DAPK1: variants seen among roughly 807,000 people sequenced by gnomAD.
DAPK1 encodes death-associated protein kinase 1.
DAPK1 carries 56 observed loss-of-function variants against 144.9 expected under a neutral mutation model. The observed-to-expected ratio is 0.39, with a 90% CI of 0.31 to 0.48. The LOEUF (loss-of-function observed/expected upper bound fraction) is 0.48. DAPK1 is among the 20% of genes least tolerant of loss of function. The probability of loss-of-function intolerance (pLI) is 0.95; values close to 1 mark genes in which losing one functional copy is unlikely to be tolerated. For missense variants in DAPK1, 1,454 were observed against 1,875.4 expected, an observed-to-expected ratio of 0.78 and a Z score of 4.15; for synonymous variants, 690 against 749.0, an observed-to-expected ratio of 0.92 and a Z score of 1.29.
intron 2 of DAPK1, among the ~76,000 whole-genome samples, chr9:87,517,558 A>G (rs1192719058): frequency 6.6e-6 from 1 of 152,108 alleles, no homozygotes; most frequent in African/African-American, 2.4e-5. Flanking sequence ...TCTGATGATC[A>G]TTTCATTAAC....
At chr9:87,544,235 T>C (rs1450526061) in intron 2 of DAPK1, among the ~76,000 whole-genome samples, 3 of 152,234 alleles carry the variant, frequency 2.0e-5, no homozygotes, top group Non-Finnish European at 4.4e-5. Flanking sequence ...TATATAAATA[T>C]GTTAGCTTAA....
In DAPK1 at chr9:87,634,638, A is replaced by G. The variant is rs36210670; in HGVS notation, c.285-3305A>G. 4.1e-3 allele frequency among the ~76,000 whole-genome samples: 624 copies of G among 152,342 alleles called. 4 individuals are homozygous for G. Among genetic ancestry groups the G allele is most frequent in the African/African-American group, 0.014 (592 of 41,578 alleles). On this transcript the variant is annotated intron_variant, in intron 3 of 25. Coordinates refer to ENST00000408954, the MANE Select transcript of DAPK1 (RefSeq NM_004938.4). Reference sequence around the variant, plus strand: ...TGGCACAATCACGGTGCAGAAGAGCATGAGGATGAGATGCTGTCAGACCGT... The same window carrying G: ...TGGCACAATCACGGTGCAGAAGAGCGTGAGGATGAGATGCTGTCAGACCGT...
At chr9:87,656,715 C>T (rs1011555097) in intron 17 of DAPK1, among the ~76,000 whole-genome samples, 3 of 152,204 alleles carry the variant, frequency 2.0e-5, no homozygotes, top group Admixed American at 6.5e-5. Flanking sequence ...CAGGCATTCA[C>T]GAGAATGTGA....
chr9:87,650,308 A>G, intron 16 of DAPK1, 190 bp downstream of exon 16: 1 of 582,414 alleles, frequency 1.7e-6, no homozygotes, highest in Non-Finnish European at 3.0e-6. Context: ...ATATTAATTT[A>G]TGGCATATAA....
intron 3 of DAPK1, among the ~76,000 whole-genome samples, chr9:87,636,042 A>C (rs1829884051): frequency 6.6e-6 from 1 of 152,212 alleles, no homozygotes; most frequent in African/African-American, 2.4e-5. Context: ...ATAAGATGCA[A>C]AAGTGAGAAG....
intron 2 of DAPK1, among the ~76,000 whole-genome samples, chr9:87,512,729 C>T (rs746315584): frequency 4.6e-5 from 7 of 151,990 alleles, no homozygotes; most frequent in Admixed American, 2.0e-4. Flanking sequence ...CTGCAACCTC[C>T]GCCTTCCAGG....
intron 2 of DAPK1, among the ~76,000 whole-genome samples, chr9:87,581,063 A>C (rs1827738761): frequency 6.6e-6 from 1 of 152,342 alleles, no homozygotes; most frequent in South Asian, 2.1e-4. Flanking sequence ...CGCGTAACTT[A>C]TCTGAGTTCT....
At chr9:87,667,661 A>G (rs1185532886) in intron 18 of DAPK1, 1 of 152,202 alleles carries the variant, frequency 6.6e-6, no homozygotes, top group Non-Finnish European at 1.5e-5. Flanking sequence ...CAAGGATGCA[A>G]CTTTGTTATT....
rs897959964 is a variant in DAPK1, at chr9:87,708,522, C to G, written c.*1158C>G. The G allele has an allele frequency of 1.3e-5, 2 of 152,422 alleles. No individual in the cohort carries two copies. The highest frequency in any genetic ancestry group is 2.9e-5 in the Non-Finnish European group (2 of 68,016). 9.4% of individuals were successfully genotyped at this position (152,422 alleles called of 1,614,324 possible). A position where few individuals can be genotyped will look rare whatever the true frequency, so the allele number is the denominator to read the frequency against. On this transcript the variant is annotated 3_prime_UTR_variant, in exon 26 of 26. Coordinates refer to ENST00000408954, the MANE Select transcript of DAPK1 (RefSeq NM_004938.4). ...TATCATATGTATATATATATATGCA[C>G]TATGTATATACATATATATTAATAC...
At chr9:87,559,161 A>G (rs920501709) in intron 2 of DAPK1, among the ~76,000 whole-genome samples, 2 of 152,194 alleles carry the variant, frequency 1.3e-5, no homozygotes, top group Non-Finnish European at 2.9e-5. Context: ...ACTTAACCCT[A>G]TAAGTTAGAT....
intron 2 of DAPK1, among the ~76,000 whole-genome samples, chr9:87,509,619 C>A (rs535037582): frequency 1.3e-5 from 2 of 152,246 alleles, no homozygotes; most frequent in East Asian, 3.8e-4. Context: ...CTCGGCCCCC[C>A]ACAATGCTGG....
intron 3 of DAPK1, among the ~76,000 whole-genome samples, chr9:87,607,694 A>T (rs1339220979): frequency 6.6e-6 from 1 of 152,176 alleles, no homozygotes. Flanking sequence ...TCATGTAACC[A>T]GCAGTCTAAT....
At chr9:87,700,476 GTTTC>G (rs1290035647) in intron 24 of DAPK1, among the ~76,000 whole-genome samples, 1 of 152,068 alleles carries the variant, frequency 6.6e-6, no homozygotes, top group Admixed American at 6.6e-5. Flanking sequence ...CGATTTATTG[GTTTC>G]TTTAACAATA....
At chr9:87,598,001 T>C (rs547332932) in intron 2 of DAPK1, among the ~76,000 whole-genome samples, 1 of 152,342 alleles carries the variant, frequency 6.6e-6, no homozygotes, top group African/African-American at 2.4e-5. Context: ...CACAGTGAAG[T>C]ATTTCATGCT....
At chr9:87,557,574 A>AC (rs1223662579) in intron 2 of DAPK1, among the ~76,000 whole-genome samples, 1 of 152,036 alleles carries the variant, frequency 6.6e-6, no homozygotes, top group Non-Finnish European at 1.5e-5. Context: ...CTCTTACAGA[A>AC]CCCCCCTCCT....
intron 19 of DAPK1, among the ~76,000 whole-genome samples, chr9:87,676,738 A>G (rs1009218881): frequency 5.3e-5 from 8 of 152,224 alleles, no homozygotes; most frequent in African/African-American, 1.4e-4. Context: ...GTGCACTCCA[A>G]TATTTCACTC....
chr9:87,575,345 G>T (rs551151117), intron 2 of DAPK1, among the ~76,000 whole-genome samples: 2 of 152,296 alleles, frequency 1.3e-5, no homozygotes, highest in East Asian at 3.9e-4. Context: ...GGATGTGCAC[G>T]TGTGTTTGGA....
chr9:87,560,227 C>G (rs10113928), intron 2 of DAPK1, among the ~76,000 whole-genome samples: 14,414 of 151,920 alleles, frequency 0.095, 2,207 homozygotes, highest in African/African-American at 0.32. Context: ...AATTCCTGAC[C>G]TCAAGTGATC....
At chr9:87,560,704 C>T (rs1026212987) in intron 2 of DAPK1, among the ~76,000 whole-genome samples, 1 of 148,652 alleles carries the variant, frequency 6.7e-6, no homozygotes, top group Admixed American at 6.7e-5. Context: ...CTTGCTCTGT[C>T]ACCCAGGCTG....
Sources: allele counts gnomAD v4.1 joint callset (sites outside exome capture counted in the v4.1 genomes callset), GRCh38; gene constraint gnomAD v4.1.1; transcripts MANE v1.5; gene names NCBI Gene and HGNC (gene_info 2026-07-23, HGNC 2026-07-21).